FOXP2: variants seen among roughly 807,000 people sequenced by gnomAD.
FOXP2 encodes forkhead box P2, also known as forkhead box protein P2.
Under a neutral mutation model 115.8 loss-of-function variants are expected in FOXP2, and 12 were observed. That is an observed-to-expected ratio of 0.10 (90% CI 0.07 to 0.17). The LOEUF (loss-of-function observed/expected upper bound fraction) is 0.17. Among genes scored for constraint, FOXP2 ranks in the 10% least tolerant of loss-of-function variants. The pLI is 1.00. For synonymous variants in FOXP2, 328 were observed against 297.7 expected, an observed-to-expected ratio of 1.10 and a Z score of -1.05; for missense variants, 629 against 843.5, an observed-to-expected ratio of 0.75 and a Z score of 3.15.
intron 3 of FOXP2, among the ~76,000 whole-genome samples, chr7:114,535,021 A>AT (rs1309587128): frequency 6.6e-6 from 1 of 151,716 alleles, no homozygotes; most frequent in African/African-American, 2.4e-5. Context: ...GAAATGTAAA[A>AT]TTTTTTTCTT....
intron 16 of FOXP2, chr7:114,669,049 A>G (rs1317482557): frequency 1.3e-5 from 2 of 151,908 alleles, no homozygotes; most frequent in East Asian, 3.9e-4. Flanking sequence ...TTTAAGTTTT[A>G]TTTTTAGTTT....
At chr7:114,276,646 T>C (rs989320112) in intron 1 of FOXP2, among the ~76,000 whole-genome samples, 2 of 152,182 alleles carry the variant, frequency 1.3e-5, no homozygotes, top group African/African-American at 4.8e-5. Context: ...AAGGCATCAA[T>C]TACAGCTCAG....
intron 13 of FOXP2, 106 bp downstream of exon 13, chr7:114,659,779 C>G: frequency 2.4e-6 from 2 of 846,036 alleles, no homozygotes; most frequent in Non-Finnish European, 4.1e-6. Flanking sequence ...TGCTTCCCCT[C>G]TTTTTAACCT....
chr7:114,097,703 T>C (rs1294270569), intron 1 of FOXP2, among the ~76,000 whole-genome samples: 1 of 152,206 alleles, frequency 6.6e-6, no homozygotes, highest in Admixed American at 6.5e-5. Context: ...TTTGCTCTCA[T>C]ACTGCCTTTC....
intron 1 of FOXP2, among the ~76,000 whole-genome samples, chr7:114,117,168 T>C (rs921177361): frequency 2.0e-5 from 3 of 151,926 alleles, no homozygotes; most frequent in Admixed American, 2.0e-4. Flanking sequence ...TATTATAGAA[T>C]TGTAATGATG....
chr7:114,326,073 C>T (rs1401573702), intron 2 of FOXP2, among the ~76,000 whole-genome samples: 1 of 152,080 alleles, frequency 6.6e-6, no homozygotes, highest in African/African-American at 2.4e-5. Flanking sequence ...TAACACATTG[C>T]ATTTGTCGTT....
chr7:114,331,818 G>A (rs557985537), intron 2 of FOXP2, among the ~76,000 whole-genome samples: 1 of 151,968 alleles, frequency 6.6e-6, no homozygotes, highest in East Asian at 1.9e-4. Flanking sequence ...GCTAATTTTT[G>A]TATTTTTACT....
chr7:114,261,148 T>G (rs1030101477), intron 1 of FOXP2, among the ~76,000 whole-genome samples: 1 of 152,202 alleles, frequency 6.6e-6, no homozygotes, highest in African/African-American at 2.4e-5. Context: ...TAAAAAGGAC[T>G]ATTAATGAAT....
chr7:114,558,614 A>G (rs559241008), intron 3 of FOXP2, among the ~76,000 whole-genome samples: 1 of 152,216 alleles, frequency 6.6e-6, no homozygotes, highest in South Asian at 2.1e-4. Flanking sequence ...TCAAGCCTTT[A>G]TGATGTCTAC....
intron 1 of FOXP2, among the ~76,000 whole-genome samples, chr7:114,095,010 A>G (rs1035706060): frequency 2.0e-5 from 3 of 152,130 alleles, no homozygotes; most frequent in African/African-American, 7.2e-5. Flanking sequence ...CGAGTAGGAA[A>G]TTTTACATTA....
intron 2 of FOXP2, among the ~76,000 whole-genome samples, chr7:114,435,871 T>C (rs1453329897): frequency 6.6e-6 from 1 of 152,154 alleles, no homozygotes; most frequent in African/African-American, 2.4e-5. Context: ...CTGCAGGTGT[T>C]AGATAGCCGT....
intron 1 of FOXP2, among the ~76,000 whole-genome samples, chr7:114,285,749 T>C (rs1282599721): frequency 6.6e-6 from 1 of 151,972 alleles, no homozygotes; most frequent in East Asian, 1.9e-4. Context: ...ATTTTATGAG[T>C]TTTAAACAGT....
intron 3 of FOXP2, among the ~76,000 whole-genome samples, chr7:114,611,108 G>A (rs1039554624): frequency 2.0e-5 from 3 of 152,170 alleles, no homozygotes; most frequent in Admixed American, 6.5e-5. Context: ...CAAAAAGCTA[G>A]TGGTGGTATC....
intron 1 of FOXP2, among the ~76,000 whole-genome samples, chr7:114,203,960 A>G (rs1051262847): frequency 2.0e-5 from 3 of 152,144 alleles, no homozygotes; most frequent in African/African-American, 7.2e-5. Context: ...TTCATTGTAA[A>G]TAGTTCTTTA....
At chr7:114,135,842 T>C (rs1270171504) in intron 1 of FOXP2, among the ~76,000 whole-genome samples, 4 of 152,138 alleles carry the variant, frequency 2.6e-5, no homozygotes, top group South Asian at 2.1e-4. Flanking sequence ...GTAAAGCAAA[T>C]GTGAATTTCC....
At chr7:114,635,290 A>T (rs1805156929) in intron 6 of FOXP2, among the ~76,000 whole-genome samples, 1 of 152,180 alleles carries the variant, frequency 6.6e-6, no homozygotes, top group Admixed American at 6.5e-5. Flanking sequence ...TTACTGCTTA[A>T]TCAATGATCT....
At chr7:114,270,040 A>G (rs181328894) in intron 1 of FOXP2, among the ~76,000 whole-genome samples, 119 of 152,330 alleles carry the variant, frequency 7.8e-4, no homozygotes, top group Non-Finnish European at 1.3e-4. Flanking sequence ...TTTAGAAAAC[A>G]AATAAGAAAT....
chr7:114,371,630 T>C (rs1443765828), intron 2 of FOXP2, among the ~76,000 whole-genome samples: 3 of 152,150 alleles, frequency 2.0e-5, no homozygotes, highest in Non-Finnish European at 4.4e-5. Context: ...AGATGTTCGA[T>C]TAATGAAATG....
intron 2 of FOXP2, among the ~76,000 whole-genome samples, chr7:114,291,491 A>G (rs546840559): frequency 1.3e-5 from 2 of 152,164 alleles, no homozygotes; most frequent in South Asian, 4.1e-4. Context: ...CATATGATGA[A>G]TTTTCATATA....
Sources: gnomAD v4.1 joint callset for allele counts (sites outside exome capture counted in the v4.1 genomes callset) on GRCh38, gnomAD v4.1.1 for gene constraint, MANE v1.5 for transcripts, NCBI Gene and HGNC (gene_info 2026-07-23, HGNC 2026-07-21) for gene names.